The following INPP5F variants were observed in gnomAD, a reference collection of about 807,000 sequenced individuals.
The protein encoded by INPP5F is inositol polyphosphate-5-phosphatase F, also known as phosphatidylinositide 4-phosphatase SAC2.
In INPP5F, 97 loss-of-function variants were observed where a neutral mutation model predicts 137.2. The observed-to-expected ratio is 0.71, with a 90% CI of 0.60 to 0.84. The LOEUF (loss-of-function observed/expected upper bound fraction) is 0.84, where lower values mean the gene tolerates loss of function less well. Ranked by LOEUF, INPP5F falls within the 40% of genes least tolerant of loss-of-function variation. The pLI, the probability that INPP5F is intolerant of heterozygous loss-of-function variation, is 0.00. For missense variants in INPP5F, 1,271 were observed against 1,371.9 expected (o/e 0.93, Z 1.16); for synonymous variants, 504 against 476.9 (o/e 1.06, Z -0.74).
At chr10:119,747,316 G>T (rs1382193944) in intron 1 of INPP5F, among the ~76,000 whole-genome samples, 1 of 151,690 alleles carries the variant, frequency 6.6e-6, no homozygotes, top group Admixed American at 6.6e-5. Flanking sequence ...CTCCACTCCT[G>T]GTTCAAGCAA....
intron 15 of INPP5F, among the ~76,000 whole-genome samples, chr10:119,820,189 GTT>G: frequency 6.6e-6 from 1 of 152,208 alleles, no homozygotes. Context: ...TTTTACTGTA[GTT>G]TTGGTTTCAT....
intron 1 of INPP5F, among the ~76,000 whole-genome samples, chr10:119,730,134 A>C (rs1848013821): frequency 6.6e-6 from 1 of 151,166 alleles, no homozygotes; most frequent in Non-Finnish European, 1.5e-5. Flanking sequence ...TTTGAGACAG[A>C]GTTTTGCTCT....
At chr10:119,736,316 C>T (rs898374882) in intron 1 of INPP5F, among the ~76,000 whole-genome samples, 1 of 152,132 alleles carries the variant, frequency 6.6e-6, no homozygotes, top group African/African-American at 2.4e-5. Flanking sequence ...CTTTTTCATT[C>T]CCAAACCATG....
At chr10:119,756,186 A>C (rs192039403) in intron 2 of INPP5F, among the ~76,000 whole-genome samples, 4 of 151,904 alleles carry the variant, frequency 2.6e-5, no homozygotes, top group Non-Finnish European at 2.9e-5. Flanking sequence ...ACAAAAATTC[A>C]ATATATGCTG....
intron 13 of INPP5F, among the ~76,000 whole-genome samples, chr10:119,809,109 G>A (rs1850920585): frequency 6.6e-6 from 1 of 151,758 alleles, no homozygotes; most frequent in South Asian, 2.1e-4. Context: ...TGTAATCCCA[G>A]CTACTCACTC....
chr10:119,757,885 C>T (rs1315933817), intron 2 of INPP5F, among the ~76,000 whole-genome samples: 2 of 152,100 alleles, frequency 1.3e-5, no homozygotes, highest in African/African-American at 4.8e-5. Context: ...TGGAAATAAC[C>T]TCCAAGAAGA....
chr10:119,745,398 A>G (rs1235293663), intron 1 of INPP5F, among the ~76,000 whole-genome samples: 2 of 137,890 alleles, frequency 1.5e-5, no homozygotes, highest in African/African-American at 5.4e-5. Flanking sequence ...CTTTCATGTC[A>G]TTTCAAGCCA....
At chr10:119,747,655 ATTAAT>A (rs939225244) in intron 1 of INPP5F, among the ~76,000 whole-genome samples, 4 of 152,246 alleles carry the variant, frequency 2.6e-5, no homozygotes, top group African/African-American at 9.6e-5. Context: ...GTTTTAACCT[ATTAAT>A]TTAATTCCCA....
At position 119,726,356 on chromosome 10, in the gene INPP5F, C is replaced by T; in HGVS notation, c.94C>T (p.Pro32Ser). 1 of 1,404,950 alleles carries T rather than the reference C, an allele frequency of 7.1e-7. No individual in the cohort carries two copies. The highest frequency in any genetic ancestry group is 9.3e-7 in the Non-Finnish European group (1 of 1,072,676). The allele number at this position is 1,404,950 out of a possible 1,614,324, so 87.0% of individuals were successfully genotyped here. Residue 32 changes from proline (P) to serine (S), a missense_variant, in exon 1 of 20, where the codon CCC becomes TCC. Coordinates refer to ENST00000650623, the MANE Select transcript of INPP5F (RefSeq NM_014937.4). ...CCGCGACGGCGGCCTCCAGCTCCGA[C>T]CCGGTGAGGCTGGCGGTGCGGGCGG... ...SRRDGGLQLR[P>S]ATDLLLAWNP...
At chr10:119,814,101 A>C (rs1369993363) in intron 15 of INPP5F, among the ~76,000 whole-genome samples, 1 of 151,996 alleles carries the variant, frequency 6.6e-6, no homozygotes, top group Non-Finnish European at 1.5e-5. Flanking sequence ...CTTTAATTAA[A>C]GTTCCTAGGG....
Position 119,801,624 on chromosome 10 carries a change from C to T in INPP5F, c.1117-2549C>T, listed in dbSNP as rs141826662. Among the ~76,000 whole-genome samples the T allele has an allele frequency of 2.1e-4, 32 of 152,234 alleles. No homozygotes were observed. In the East Asian group the frequency reaches 4.1e-3, roughly 19 times the overall value. On this transcript the variant is annotated intron_variant, in intron 9 of 19. Transcript: ENST00000650623. ...GCCTGGTGGCACATGGCTGTAGTCC[C>T]AGCTACACAAAAGGCTGAAGTGGGA...
intron 13 of INPP5F, 68 bp from the exon 14 acceptor site, chr10:119,810,032 G>A (rs186052647): frequency 2.9e-5 from 25 of 868,466 alleles, no homozygotes; most frequent in Middle Eastern, 2.2e-4. Flanking sequence ...TGAACTGAAA[G>A]CCCACAATTT....
At chr10:119,799,749 A>G (rs1850517840) in intron 9 of INPP5F, among the ~76,000 whole-genome samples, 1 of 152,192 alleles carries the variant, frequency 6.6e-6, no homozygotes, top group Non-Finnish European at 1.5e-5. Flanking sequence ...ACCCTATACA[A>G]AAATCAGTTG....
At chr10:119,800,948 A>T (rs1362658816) in intron 9 of INPP5F, among the ~76,000 whole-genome samples, 1 of 4,014 alleles carries the variant, frequency 2.5e-4, no homozygotes, top group Non-Finnish European at 4.6e-3. Context: ...ACTCTGTCTC[A>T]AAAAAAAAAA....
At chr10:119,825,002 C>T (rs1851705407) in intron 19 of INPP5F, among the ~76,000 whole-genome samples, 1 of 152,182 alleles carries the variant, frequency 6.6e-6, no homozygotes. Flanking sequence ...TCTGAGACTC[C>T]TGGTTCTATC....
At chr10:119,752,515 A>T (rs933050454) in intron 2 of INPP5F, among the ~76,000 whole-genome samples, 1 of 147,658 alleles carries the variant, frequency 6.8e-6, no homozygotes, top group African/African-American at 2.5e-5. Context: ...AACCTGGGAG[A>T]TGGTGGTTGC....
At chr10:119,826,185 AGACCC>A (rs2134308077) in intron 19 of INPP5F, among the ~76,000 whole-genome samples, 1 of 152,356 alleles carries the variant, frequency 6.6e-6, no homozygotes, top group Non-Finnish European at 1.5e-5. Flanking sequence ...TGGCTGTGCT[AGACCC>A]GCACTGCTCA....
At chr10:119,732,451 CTAA>C (rs1848102485) in intron 1 of INPP5F, among the ~76,000 whole-genome samples, 2 of 150,656 alleles carry the variant, frequency 1.3e-5, no homozygotes, top group South Asian at 4.2e-4. Flanking sequence ...TTAACAGTAG[CTAA>C]TAATAACAGC....
In INPP5F at chr10:119,820,159, T is replaced by TATA. The variant is rs1851497658; in HGVS notation, c.1887-686_1887-685insTAA. On this transcript the variant is annotated intron_variant, in intron 15 of 19. Coordinates refer to ENST00000650623, the MANE Select transcript of INPP5F (RefSeq NM_014937.4). The stretch of plus-strand genomic sequence containing the variant: ...TATACTTTAAGAATTTTCTTATTGG[T>TATA]AATTTTACAAGGATGTACATTTTAC... Among the ~76,000 whole-genome samples, 3 of 152,246 alleles carry TATA rather than the reference T, an allele frequency of 2.0e-5. No individual in the cohort carries two copies. The South Asian group carries it at 6.2e-4, about 31-fold the overall frequency.
Sources: allele counts gnomAD v4.1 joint callset (sites outside exome capture counted in the v4.1 genomes callset), GRCh38; gene constraint gnomAD v4.1.1; transcripts MANE v1.5; gene names NCBI Gene and HGNC (gene_info 2026-07-23, HGNC 2026-07-21).